The following MICAL3 variants were observed in gnomAD, a reference collection of about 807,000 sequenced individuals.
MICAL3 encodes microtubule associated monooxygenase, calponin and LIM domain containing 3.
Under a neutral mutation model 207.4 loss-of-function variants are expected in MICAL3, and 62 were observed. The observed-to-expected ratio is 0.30, with a 90% CI of 0.24 to 0.37. MICAL3 has a LOEUF of 0.37. MICAL3 is among the 10% of genes least tolerant of loss of function. The pLI is 1.00. For missense variants in MICAL3, 2,368 were observed against 2,635.6 expected, an observed-to-expected ratio of 0.90 and a Z score of 2.22; for synonymous variants, 1,077 against 1,069.3, an observed-to-expected ratio of 1.01 and a Z score of -0.14.
chr22:18,013,064 G>T (rs1923847536), intron 1 of MICAL3, among the ~76,000 whole-genome samples: 1 of 152,178 alleles, frequency 6.6e-6, no homozygotes, highest in Non-Finnish European at 1.5e-5. Context: ...CATCTAGTCT[G>T]ACCTCTCTTC....
chr22:17,991,999 G>A (rs1229221877), intron 1 of MICAL3, among the ~76,000 whole-genome samples: 1 of 152,218 alleles, frequency 6.6e-6, no homozygotes, highest in Non-Finnish European at 1.5e-5. Flanking sequence ...CCAGAGCATG[G>A]ATGAGGCGCC....
At chr22:17,891,698 T>C in intron 11 of MICAL3, 66 bp from the exon 12 acceptor site, 11 of 1,509,392 alleles carry the variant, frequency 7.3e-6, no homozygotes, top group Non-Finnish European at 1.0e-5. Flanking sequence ...GAGAATCCTC[T>C]TTGTAGGACA....
intron 1 of MICAL3, among the ~76,000 whole-genome samples, chr22:17,959,500 A>G (rs1934796978): frequency 6.6e-6 from 1 of 151,974 alleles, no homozygotes; most frequent in East Asian, 1.9e-4. Flanking sequence ...TTTTTAGTAG[A>G]GACACGGTTT....
chr22:17,979,861 C>A (rs1289374147), intron 1 of MICAL3, among the ~76,000 whole-genome samples: 1 of 151,980 alleles, frequency 6.6e-6, no homozygotes, highest in Non-Finnish European at 1.5e-5. Flanking sequence ...CACAGGGTCT[C>A]ACTTTGTCAC....
rs1414191964 is a variant in MICAL3 at position 17,891,624 on chromosome 22, C to T, written c.1555G>A (p.Ala519Thr). Reference protein sequence around the residue: ...TPKLTRNESVARSSKLLGWCQ... With the variant: ...TPKLTRNESVTRSSKLLGWCQ... ...CAACCCAGCAGTTTGCTTGAACGAG[C>T]TACAGACTCTAAAACAACAAAACAC... The change falls in exon 12 of 32, where the codon GCT (alanine) becomes ACT (threonine). Residue 519 changes from alanine to threonine, a missense_variant. Physicochemically the swap from Ala to Thr is moderately conservative, Grantham distance 58. Coordinates refer to ENST00000441493, the MANE Select transcript of MICAL3 (RefSeq NM_015241.3). The T allele has an allele frequency of 1.9e-6, 3 of 1,613,750 alleles. No homozygotes were observed. The African/African-American group carries it at 4.0e-5, about 22-fold the overall frequency.
chr22:17,846,189 G>A (rs936669596), intron 19 of MICAL3, among the ~76,000 whole-genome samples: 1 of 152,176 alleles, frequency 6.6e-6, no homozygotes, highest in African/African-American at 2.4e-5. Context: ...AGACCCACCA[G>A]GCCATTGAGC....
At chr22:17,978,003 C>A (rs1935733981) in intron 1 of MICAL3, among the ~76,000 whole-genome samples, 1 of 151,880 alleles carries the variant, frequency 6.6e-6, no homozygotes, top group Non-Finnish European at 1.5e-5. Context: ...GCCTGCGCAA[C>A]AAGAGTGAAA....
At chr22:17,914,680 C>T (rs1272788953) in intron 1 of MICAL3, among the ~76,000 whole-genome samples, 1 of 152,178 alleles carries the variant, frequency 6.6e-6, no homozygotes, top group Non-Finnish European at 1.5e-5. Context: ...TTTTTCTCCT[C>T]ATGATTTATC....
At chr22:17,823,441 C>A (rs887302799) in intron 22 of MICAL3, among the ~76,000 whole-genome samples, 1 of 152,188 alleles carries the variant, frequency 6.6e-6, no homozygotes, top group Non-Finnish European at 1.5e-5. Context: ...GTGTGCTGAC[C>A]GCCTCACACA....
At chr22:17,994,190 CACA>C (rs1365747730) in intron 1 of MICAL3, among the ~76,000 whole-genome samples, 3 of 152,182 alleles carry the variant, frequency 2.0e-5, no homozygotes, top group Admixed American at 6.5e-5. Flanking sequence ...AATTCTCAGC[CACA>C]ACAAGGAGCT....
At chr22:17,907,404 G>A (rs1156580181) in intron 1 of MICAL3, among the ~76,000 whole-genome samples, 2 of 152,184 alleles carry the variant, frequency 1.3e-5, no homozygotes, top group Non-Finnish European at 2.9e-5. Context: ...CGGATTAAAC[G>A]GAGACATCAG....
chr22:17,892,476 T>C (rs1602160847), intron 11 of MICAL3, among the ~76,000 whole-genome samples: 3 of 152,336 alleles, frequency 2.0e-5, no homozygotes, highest in East Asian at 3.9e-4. Context: ...GAACATAAGC[T>C]AAAAACCAAG....
chr22:17,818,436 C>T lies in MICAL3; in HGVS notation c.4225G>A (p.Asp1409Asn), dbSNP rs367657501. Residue 1409 changes from aspartate (D) to asparagine (N), a missense_variant, in exon 26 of 32, where the codon GAC becomes AAC. This residue lies in a region of MICAL3 where 1,770 missense variants were observed against 1,863.2 expected (regional missense o/e 0.95). Coordinates refer to ENST00000441493, the MANE Select transcript of MICAL3 (RefSeq NM_015241.3). ...LSLPTPRSPS[D>N]RELRSAQEER... ...TCCTGGGCGCTGCGTAGCTCTCTGT[C>T]GGACGGGGACCGGGGGGTTGGCAGG... is the stretch of plus-strand genomic sequence containing the variant. 2.9e-5 allele frequency: 46 copies of T among 1,612,598 alleles called. No homozygotes were observed. Among genetic ancestry groups the T allele is most frequent in the East Asian group, 4.5e-5 (2 of 44,890 alleles).
chr22:17,869,448 C>T (rs978633724), intron 17 of MICAL3, among the ~76,000 whole-genome samples: 3 of 152,032 alleles, frequency 2.0e-5, no homozygotes, highest in Non-Finnish European at 4.4e-5. Context: ...GTGGAGGTAG[C>T]GTATGTCTCT....
chr22:17,864,729 G>C lies in MICAL3; in HGVS notation c.2605+170C>G, dbSNP rs544550371. 1.5e-4 allele frequency: 250 copies of C among 1,613,616 alleles called. 5 individuals are homozygous for C. The South Asian group carries it at 2.7e-3, about 17-fold the overall frequency. ...CCTCCGACAGGCCATAGAGAAAGGG[G>C]ACTCCGAACGCAAGCAGCTGGCACA... On this transcript the variant is annotated intron_variant, in intron 19 of 31. Coordinates refer to ENST00000441493, the MANE Select transcript of MICAL3 (RefSeq NM_015241.3).
At position 17,967,481 on chromosome 22, in the gene MICAL3, CA is replaced by C. The variant is rs1569150664; in HGVS notation, c.-75+56799del. Among the ~76,000 whole-genome samples, 780 of 134,284 alleles carry C rather than the reference CA, an allele frequency of 5.8e-3. 8 individuals carry two copies. Among genetic ancestry groups the C allele is most frequent in the African/African-American group, 0.018 (587 of 33,150 alleles). The allele number at this position is 134,284 out of a possible 152,430, so 88.1% of individuals were successfully genotyped here. A position where few individuals can be genotyped will look rare whatever the true frequency, so the allele number is the denominator to read the frequency against. On this transcript the variant is annotated intron_variant, in intron 1 of 31. Coordinates refer to ENST00000441493, the MANE Select transcript of MICAL3 (RefSeq NM_015241.3). ...ACATGCAAACACACACACACACACACACACACACACACCCACACACACCCAC... is the reference window on the plus strand; with the variant it reads ...ACATGCAAACACACACACACACACACCACACACACACCCACACACACCCAC...
At chr22:17,794,517 G>A (rs778430583) in intron 29 of MICAL3, among the ~76,000 whole-genome samples, 2 of 152,236 alleles carry the variant, frequency 1.3e-5, no homozygotes, top group Non-Finnish European at 1.5e-5. Flanking sequence ...TTCAAATTCT[G>A]AGCCAGGACA....
rs1012083929 is a variant in MICAL3, at chr22:17,790,670, G to A, written c.*62C>T. The A allele has an allele frequency of 3.4e-6, 5 of 1,468,110 alleles. No homozygotes were observed. Among genetic ancestry groups the A allele is most frequent in the Non-Finnish European group, 4.6e-6 (5 of 1,084,082 alleles). 90.9% of individuals were successfully genotyped at this position (1,468,110 alleles called of 1,614,324 possible). ...GCCTCCTCAGATCGCGGCTCCGGGTGGTTTGGATGCCACTGCCTGGCCAGG... is the reference window on the plus strand; with the variant it reads ...GCCTCCTCAGATCGCGGCTCCGGGTAGTTTGGATGCCACTGCCTGGCCAGG... On this transcript the variant is annotated 3_prime_UTR_variant, in exon 32 of 32. Coordinates refer to ENST00000441493, the MANE Select transcript of MICAL3 (RefSeq NM_015241.3).
intron 19 of MICAL3, among the ~76,000 whole-genome samples, chr22:17,853,528 T>C (rs1925559844): frequency 6.6e-6 from 1 of 152,274 alleles, no homozygotes; most frequent in Non-Finnish European, 1.5e-5. Context: ...TCACATTTGA[T>C]ATTCTTGTAA....
Sources: gnomAD v4.1 joint callset for allele counts (sites outside exome capture counted in the v4.1 genomes callset) on GRCh38, gnomAD v4.1.1 for gene constraint, gnomAD v4.1.1 regional missense constraint, MANE v1.5 for transcripts, NCBI Gene and HGNC (gene_info 2026-07-23, HGNC 2026-07-21) for gene names.